The following ARHGEF28 variants were observed in gnomAD, a reference collection of about 807,000 sequenced individuals.
The protein encoded by ARHGEF28 is Rho guanine nucleotide exchange factor 28.
Under a neutral mutation model 206.6 loss-of-function variants are expected in ARHGEF28, and 152 were observed. The ratio of observed to expected loss-of-function variants is 0.74; its 90% CI spans 0.64 to 0.84. The LOEUF (loss-of-function observed/expected upper bound fraction) is 0.84. Among genes scored for constraint, ARHGEF28 ranks in the 40% least tolerant of loss-of-function variants. The pLI, the probability that ARHGEF28 is intolerant of heterozygous loss-of-function variation, is 0.00. For synonymous variants in ARHGEF28, 763 were observed against 776.4 expected (o/e 0.98, Z 0.29); for missense variants, 2,028 against 2,073.2 (o/e 0.98, Z 0.42).
rs1427064735 is a variant in ARHGEF28, at chr5:73,911,217, T to G, written c.4648-58T>G. 3 of 1,429,962 alleles carry G rather than the reference T, an allele frequency of 2.1e-6. No individual in the cohort carries two copies. In the African/African-American group the frequency reaches 4.3e-5, roughly 20 times the overall value. 88.6% of individuals were successfully genotyped at this position (1,429,962 alleles called of 1,614,324 possible). ...AAGATTCTCTCAGGAATAAATACTTTATGAAACTTGTATAAGTTAGAAAAA... is the reference window on the plus strand; with the variant it reads ...AAGATTCTCTCAGGAATAAATACTTGATGAAACTTGTATAAGTTAGAAAAA... On this transcript the variant is annotated intron_variant, in intron 34 of 35. Transcript: ENST00000513042.
intron 9 of ARHGEF28, among the ~76,000 whole-genome samples, chr5:73,827,085 C>G (rs1362097630): frequency 6.6e-6 from 1 of 152,194 alleles, no homozygotes; most frequent in Non-Finnish European, 1.5e-5. Context: ...GTTATAATCC[C>G]TCCCATTTCA....
At chr5:73,928,185 G>A (rs547847593) in intron 35 of ARHGEF28, among the ~76,000 whole-genome samples, 1 of 152,182 alleles carries the variant, frequency 6.6e-6, no homozygotes, top group Non-Finnish European at 1.5e-5. Flanking sequence ...TCGGGAGGCC[G>A]AGGCCAGCAG....
At chr5:73,895,008 G>A (rs1349349706) in intron 29 of ARHGEF28, among the ~76,000 whole-genome samples, 1 of 152,162 alleles carries the variant, frequency 6.6e-6, no homozygotes, top group African/African-American at 2.4e-5. Flanking sequence ...GACAGCACAG[G>A]CTGAGGGAAG....
intron 2 of ARHGEF28, among the ~76,000 whole-genome samples, chr5:73,704,774 C>T (rs1051674903): frequency 6.6e-5 from 10 of 152,092 alleles, no homozygotes; most frequent in Non-Finnish European, 1.5e-4. Context: ...AATGTGTGCC[C>T]AGAAAGGCCA....
At chr5:73,728,720 G>T (rs972512418) in intron 2 of ARHGEF28, among the ~76,000 whole-genome samples, 1 of 152,164 alleles carries the variant, frequency 6.6e-6, no homozygotes, top group African/African-American at 2.4e-5. Context: ...CAGCCATTGA[G>T]AGTGCTGCCA....
At chr5:73,877,336 C>A (rs918312547) in intron 22 of ARHGEF28, among the ~76,000 whole-genome samples, 10 of 149,402 alleles carry the variant, frequency 6.7e-5, no homozygotes, top group African/African-American at 2.2e-4. Flanking sequence ...GTCTTGCTAG[C>A]GGTCTATCAA....
Position 73,927,212 on chromosome 5 carries a change from AT to A in ARHGEF28, c.4949-13631del, listed in dbSNP as rs201325327. On this transcript the variant is annotated intron_variant, in intron 35 of 35. Coordinates refer to ENST00000513042, the MANE Select transcript of ARHGEF28 (RefSeq NM_001177693.2). ...CCCATCACTAAAAAAAAAAATAAAA[AT>A]AAAAAATAAAAAACTTAGCCAGGCA... Among the ~76,000 whole-genome samples the A allele has an allele frequency of 3.2e-4, 49 of 151,712 alleles. No individual in the cohort carries two copies. In the East Asian group the frequency reaches 7.8e-3, roughly 24 times the overall value.
chr5:73,708,587 A>G (rs888607447), intron 2 of ARHGEF28, among the ~76,000 whole-genome samples: 2 of 151,974 alleles, frequency 1.3e-5, no homozygotes, highest in African/African-American at 4.8e-5. Flanking sequence ...TATGTACTAC[A>G]TTTTCTTTAT....
intron 9 of ARHGEF28, among the ~76,000 whole-genome samples, chr5:73,805,905 T>G (rs1220814189): frequency 6.6e-6 from 1 of 152,128 alleles, no homozygotes; most frequent in Non-Finnish European, 1.5e-5. Flanking sequence ...TATCATATTT[T>G]ATGTGAATTT....
intron 2 of ARHGEF28, among the ~76,000 whole-genome samples, chr5:73,688,394 A>G (rs1747601142): frequency 6.6e-6 from 1 of 152,164 alleles, no homozygotes; most frequent in African/African-American, 2.4e-5. Context: ...TTTATGGCTA[A>G]AATTCTTCTT....
chr5:73,821,677 G>T (rs1234445446), intron 9 of ARHGEF28, among the ~76,000 whole-genome samples: 2 of 151,872 alleles, frequency 1.3e-5, no homozygotes, highest in Non-Finnish European at 2.9e-5. Context: ...TTATATATTA[G>T]GTTCTTCCCC....
intron 13 of ARHGEF28, among the ~76,000 whole-genome samples, chr5:73,852,289 T>C (rs915836037): frequency 8.5e-5 from 13 of 152,206 alleles, no homozygotes; most frequent in African/African-American, 3.1e-4. Flanking sequence ...GTTCTGTATG[T>C]TAGGGCATTA....
At chr5:73,830,407 A>T (rs1185706706) in intron 9 of ARHGEF28, among the ~76,000 whole-genome samples, 2 of 151,840 alleles carry the variant, frequency 1.3e-5, no homozygotes, top group Admixed American at 6.6e-5. Flanking sequence ...ACAAAAAATT[A>T]ACTGGGTGTG....
intron 21 of ARHGEF28, 55 bp from the exon 22 acceptor site, chr5:73,872,944 G>A: frequency 1.9e-6 from 3 of 1,585,966 alleles, no homozygotes; most frequent in Non-Finnish European, 2.6e-6. Flanking sequence ...TAGTTTAATA[G>A]CGAAACTTGC....
At chr5:73,789,548 G>A (rs1286068259) in intron 7 of ARHGEF28, among the ~76,000 whole-genome samples, 4 of 151,992 alleles carry the variant, frequency 2.6e-5, no homozygotes, top group Admixed American at 1.3e-4. Flanking sequence ...ACTCTAAATG[G>A]GTGAATTGTA....
At chr5:73,869,222 T>TTG (rs1554072926) in intron 20 of ARHGEF28, among the ~76,000 whole-genome samples, 4,260 of 99,318 alleles carry the variant, frequency 0.043, 132 homozygotes, top group South Asian at 0.1. Flanking sequence ...GTGTGTGGGG[T>TTG]GGAGGGGGGT....
At chr5:73,660,956 A>C (rs1465484994) in intron 1 of ARHGEF28, among the ~76,000 whole-genome samples, 1 of 152,190 alleles carries the variant, frequency 6.6e-6, no homozygotes, top group Admixed American at 6.5e-5. Context: ...CTTCAACTTC[A>C]AGTCACCAGC....
chr5:73,697,784 T>G (rs968265579), intron 2 of ARHGEF28, among the ~76,000 whole-genome samples: 3 of 152,164 alleles, frequency 2.0e-5, no homozygotes, highest in Admixed American at 1.3e-4. Flanking sequence ...ACTACCTTAG[T>G]TGATTAGAGC....
At chr5:73,771,965 A>AG (rs897570263) in intron 4 of ARHGEF28, among the ~76,000 whole-genome samples, 1 of 152,120 alleles carries the variant, frequency 6.6e-6, no homozygotes, top group Non-Finnish European at 1.5e-5. Context: ...TATTTTACTG[A>AG]GGGGAAGTGT....
Sources: allele counts gnomAD v4.1 joint callset (sites outside exome capture counted in the v4.1 genomes callset), GRCh38; gene constraint gnomAD v4.1.1; transcripts MANE v1.5; gene names NCBI Gene and HGNC (gene_info 2026-07-23, HGNC 2026-07-21).